The following ZNF516 variants were observed in gnomAD, a reference collection of about 807,000 sequenced individuals.
ZNF516 encodes the protein zinc finger protein 516.
In ZNF516, 19 loss-of-function variants were observed where a neutral mutation model predicts 79.7. The observed-to-expected ratio is 0.24, with a 90% CI of 0.17 to 0.35. ZNF516 has a LOEUF of 0.35. Ranked by LOEUF, ZNF516 falls within the 10% of genes least tolerant of loss-of-function variation. ZNF516 has a pLI of 1.00. For missense variants in ZNF516, 1,678 were observed against 1,679.5 expected, an observed-to-expected ratio of 1.00 and a Z score of 0.02; for synonymous variants, 877 against 739.5, an observed-to-expected ratio of 1.19 and a Z score of -3.02.
At chr18:76,433,415 C>T (rs188093661) in intron 3 of ZNF516, among the ~76,000 whole-genome samples, 24 of 152,280 alleles carry the variant, frequency 1.6e-4, no homozygotes, top group African/African-American at 5.5e-4. Flanking sequence ...GGATGCCTGA[C>T]GCAAGGCGGA....
rs2074514639 is a variant in ZNF516 at position 76,360,545 on chromosome 18, C to G, written c.*1953G>C. On this transcript the variant is annotated 3_prime_UTR_variant, in exon 7 of 7. Coordinates refer to ENST00000443185, the MANE Select transcript of ZNF516 (RefSeq NM_014643.4). ...AGAACAGTCAATTACAGTTGTTTAA[C>G]TGTATCTGCATGGACATTCCTAATT... 6.7e-6 allele frequency: 1 copy of G among 149,158 alleles called. No individual in the cohort carries two copies. Among genetic ancestry groups the G allele is most frequent in the East Asian group, 2.0e-4 (1 of 5,060 alleles). The allele number at this position is 149,158 out of a possible 1,614,324, so 9.2% of individuals were successfully genotyped here.
chr18:76,404,569 TGTGA>T (rs10538818), intron 3 of ZNF516, among the ~76,000 whole-genome samples: 3,086 of 151,286 alleles, frequency 0.02, 61 homozygotes, highest in African/African-American at 0.042. Context: ...TTTGTATGTT[TGTGA>T]GTATGTAATG....
chr18:76,468,539 C>T (rs1913635132), intron 1 of ZNF516, among the ~76,000 whole-genome samples: 2 of 151,662 alleles, frequency 1.3e-5, no homozygotes, highest in African/African-American at 2.4e-5. Flanking sequence ...ACCTTGGCCT[C>T]CCTAGTAGCT....
chr18:76,385,560 G>C (rs1288394497), intron 3 of ZNF516: 3 of 152,270 alleles, frequency 2.0e-5, no homozygotes, highest in Non-Finnish European at 2.9e-5. Flanking sequence ...CTCTGGGGCT[G>C]CCTATTCGTC....
At chr18:76,454,517 G>T (rs1281992606) in intron 2 of ZNF516, among the ~76,000 whole-genome samples, 1 of 152,082 alleles carries the variant, frequency 6.6e-6, no homozygotes, top group Non-Finnish European at 1.5e-5. Flanking sequence ...TGCCAATAAC[G>T]ACTGTAACAT....
At position 76,379,433 on chromosome 18, in the gene ZNF516, T is replaced by C. The variant is rs542142032; in HGVS notation, c.2681A>G (p.Gln894Arg). The change falls in exon 4 of 7, where the codon CAG (glutamine) becomes CGG (arginine). Residue 894 changes from glutamine to arginine, a missense_variant. Gln to Arg is a conservative substitution (Grantham distance 43, BLOSUM62 1). Around this residue, in one of 5 missense-constraint regions of ZNF516, gnomAD observed 1,294 missense variants for 1,248.3 expected, o/e 1.04. Transcript: ENST00000443185. Reference sequence around the variant, plus strand: ...CTGTGTGGCCGCGCCATGTGGCTCCTGGCCGTGACAAGGTTTGGTCTGTCG... The same window carrying C: ...CTGTGTGGCCGCGCCATGTGGCTCCCGGCCGTGACAAGGTTTGGTCTGTCG... ...GYRQTKPCHGQEPHGAATQGP... is the reference protein window; with the variant it reads ...GYRQTKPCHGREPHGAATQGP... 9 of 1,612,296 alleles carry C rather than the reference T, an allele frequency of 5.6e-6. No homozygotes were observed. The South Asian group carries it at 9.9e-5, about 18-fold the overall frequency.
At position 76,379,085 on chromosome 18, in the gene ZNF516, A is replaced by G. The variant is rs1418686194; in HGVS notation, c.3029T>C (p.Leu1010Pro). Residue 1010 changes from leucine (L) to proline (P), a missense_variant, in exon 4 of 7, where the codon CTG becomes CCG. Leu to Pro is a moderately conservative substitution (Grantham distance 98). This residue lies in a region of ZNF516 where 1,294 missense variants were observed against 1,248.3 expected (regional missense o/e 1.04). Coordinates refer to ENST00000443185, the MANE Select transcript of ZNF516 (RefSeq NM_014643.4). ...CGCAGCACAGGTGGCCAGAGTCCTCAGCTCCTGGGCTGCCTTCGAGGGGGG... is the reference window on the plus strand; with the variant it reads ...CGCAGCACAGGTGGCCAGAGTCCTCGGCTCCTGGGCTGCCTTCGAGGGGGG... ...REPPSKAAQE[L>P]RTLATCAAGS... is the part of the protein sequence containing the mutation. 6.8e-6 allele frequency: 11 copies of G among 1,611,120 alleles called. No individual in the cohort carries two copies. The highest frequency in any genetic ancestry group is 9.3e-6 in the Non-Finnish European group (11 of 1,179,624).
upstream of ZNF516, among the ~76,000 whole-genome samples, chr18:76,496,056 T>TA: frequency 6.6e-6 from 1 of 151,952 alleles, no homozygotes; most frequent in Non-Finnish European, 1.5e-5. Context: ...GAGCAGTAGT[T>TA]AGTTGTAATA....
At chr18:76,440,761 T>TGCGCGC (rs1555711328) in intron 3 of ZNF516, among the ~76,000 whole-genome samples, 26 of 150,246 alleles carry the variant, frequency 1.7e-4, no homozygotes, top group African/African-American at 6.1e-4. Context: ...TGTGTGTGTG[T>TGCGCGC]GCGCGCACGC....
chr18:76,405,345 G>A (rs376747086), intron 3 of ZNF516, among the ~76,000 whole-genome samples: 92 of 152,176 alleles, frequency 6.0e-4, no homozygotes, highest in African/African-American at 1.7e-3. Context: ...CGATCCTCCC[G>A]CCTCAGCCTC....
chr18:76,412,644 G>A lies in ZNF516; in HGVS notation c.1810+28601C>T, dbSNP rs543407993. On this transcript the variant is annotated intron_variant, in intron 3 of 6. Transcript: ENST00000443185. The stretch of plus-strand genomic sequence containing the variant: ...GGAGGCCGGAGGATAAGGACACACC[G>A]TGCCTCCTGATGTGGAAGCAGGAAG... Among the ~76,000 whole-genome samples the A allele has an allele frequency of 1.2e-4, 18 of 152,298 alleles. No individual in the cohort carries two copies. In the South Asian group the frequency reaches 1.2e-3, roughly 11 times the overall value.
At chr18:76,445,997 G>A (rs1045765280) in intron 2 of ZNF516, among the ~76,000 whole-genome samples, 4 of 152,314 alleles carry the variant, frequency 2.6e-5, no homozygotes, top group Admixed American at 2.6e-4. Context: ...GCACCCGTCA[G>A]CGTGCAGGTC....
intron 3 of ZNF516, among the ~76,000 whole-genome samples, chr18:76,418,686 G>C (rs547518982): frequency 2.6e-5 from 4 of 152,202 alleles, no homozygotes; most frequent in African/African-American, 9.6e-5. Context: ...AAAAAAGAAA[G>C]TGGAAACAAT....
intron 3 of ZNF516, among the ~76,000 whole-genome samples, chr18:76,400,495 C>A (rs1484617718): frequency 6.6e-6 from 1 of 152,156 alleles, no homozygotes; most frequent in African/African-American, 2.4e-5. Context: ...CAGCTTTCCC[C>A]ATTAGACATT....
chr18:76,490,237 C>T, intron 1 of ZNF516: 2 of 981,748 alleles, frequency 2.0e-6, no homozygotes, highest in East Asian at 1.1e-4. Flanking sequence ...AACTCTCAAA[C>T]CCCTGACACC....
In ZNF516 at chr18:76,443,084, G is replaced by A; in HGVS notation, c.-30C>T. On this transcript the variant is annotated 5_prime_UTR_variant, in exon 3 of 7. Transcript: ENST00000443185. ...AGGACGGGCGCGGCCGGTGGTGGCGGCACAGCTTTCTGTCGCGCGGGCTGC... is the reference window on the plus strand; with the variant it reads ...AGGACGGGCGCGGCCGGTGGTGGCGACACAGCTTTCTGTCGCGCGGGCTGC... The A allele has an allele frequency of 1.9e-6, 3 of 1,550,538 alleles. No homozygotes were observed. Among genetic ancestry groups the A allele is most frequent in the Admixed American group, 2.0e-5 (1 of 51,124 alleles).
At chr18:76,405,065 C>T (rs2145251421) in intron 3 of ZNF516, among the ~76,000 whole-genome samples, 1 of 152,298 alleles carries the variant, frequency 6.6e-6, no homozygotes, top group African/African-American at 2.4e-5. Context: ...ATTGCAGGCA[C>T]AAGCTAGGCA....
At position 76,357,839 on chromosome 18, in the gene ZNF516, G is replaced by A. The variant is rs539356120; in HGVS notation, c.*4659C>T. Among the ~76,000 whole-genome samples, 3 of 152,168 alleles carry A rather than the reference G, an allele frequency of 2.0e-5. No homozygotes were observed. Among genetic ancestry groups the A allele is most frequent in the Non-Finnish European group, 4.4e-5 (3 of 68,028 alleles). On this transcript the variant is annotated 3_prime_UTR_variant, in exon 7 of 7. Coordinates refer to ENST00000443185, the MANE Select transcript of ZNF516 (RefSeq NM_014643.4). ...GTGGCTGAGTCAGAATTCCGTCCGC[G>A]TCCATCCCTGTGCGTCCTGTATGGG...
intron 1 of ZNF516, among the ~76,000 whole-genome samples, chr18:76,484,359 CA>C (rs1914706153): frequency 6.6e-6 from 1 of 152,200 alleles, no homozygotes; most frequent in Admixed American, 6.5e-5. Flanking sequence ...CCTTCTAAAA[CA>C]AGCCCAAATA....
Sources: gnomAD v4.1 joint callset for allele counts (sites outside exome capture counted in the v4.1 genomes callset) on GRCh38, gnomAD v4.1.1 for gene constraint, gnomAD v4.1.1 regional missense constraint, MANE v1.5 for transcripts, NCBI Gene and HGNC (gene_info 2026-07-23, HGNC 2026-07-21) for gene names.